Variants in ANK2 observed in about 807,000 individuals in gnomAD.
The protein encoded by ANK2 is ankyrin 2, also known as ankyrin-2.
ANK2 carries 83 observed loss-of-function variants against 360.5 expected under a neutral mutation model. That is an observed-to-expected ratio of 0.23 (90% CI 0.19 to 0.28). The LOEUF (loss-of-function observed/expected upper bound fraction) is 0.28. Ranked by LOEUF, ANK2 falls within the 10% of genes least tolerant of loss-of-function variation. The probability of loss-of-function intolerance (pLI) is 1.00; values close to 1 mark genes in which losing one functional copy is unlikely to be tolerated. For synonymous variants in ANK2, 1,740 were observed against 1,759.5 expected, an observed-to-expected ratio of 0.99 and a Z score of 0.28; for missense variants, 4,201 against 4,795.7, an observed-to-expected ratio of 0.88 and a Z score of 3.66.
intron 29 of ANK2, among the ~76,000 whole-genome samples, chr4:113,334,941 T>C (rs73841960): frequency 0.027 from 4,096 of 152,138 alleles, 186 homozygotes; most frequent in African/African-American, 0.092. Context: ...TCTTCAATCA[T>C]GTGGAATCAG....
the ANK2 span, among the ~76,000 whole-genome samples, chr4:112,737,933 T>C: frequency 6.6e-6 from 1 of 152,200 alleles, no homozygotes; most frequent in Non-Finnish European, 1.5e-5. Context: ...GTAAAGGATG[T>C]AAATAGCAGG....
At chr4:112,777,768 T>A in the ANK2 span, among the ~76,000 whole-genome samples, 4 of 150,964 alleles carry the variant, frequency 2.6e-5, no homozygotes, top group African/African-American at 9.7e-5. Flanking sequence ...CAGGCATGTG[T>A]CACCACACCC....
chr4:112,981,002 A>G (rs977014529), intron 2 of ANK2, among the ~76,000 whole-genome samples: 3 of 152,240 alleles, frequency 2.0e-5, no homozygotes, highest in Non-Finnish European at 2.9e-5. Flanking sequence ...GAGTTGAGTT[A>G]TAAACGAAGA....
At chr4:113,115,701 A>G (rs373579036) in intron 1 of ANK2, among the ~76,000 whole-genome samples, 3 of 152,184 alleles carry the variant, frequency 2.0e-5, no homozygotes, top group East Asian at 3.8e-4. Context: ...CTCTCTTACT[A>G]TCTTTATGTA....
chr4:113,154,411 T>A (rs1260140499), intron 1 of ANK2, among the ~76,000 whole-genome samples: 2 of 152,210 alleles, frequency 1.3e-5, no homozygotes, highest in Non-Finnish European at 2.9e-5. Flanking sequence ...TGTTGAGCAG[T>A]CAGCTTGAAC....
At chr4:112,872,682 T>C (rs2073630500) in intron 1 of ANK2, among the ~76,000 whole-genome samples, 1 of 152,224 alleles carries the variant, frequency 6.6e-6, no homozygotes, top group African/African-American at 2.4e-5. Context: ...TATTTTCTTG[T>C]AATTCTTTGT....
the ANK2 span, among the ~76,000 whole-genome samples, chr4:112,808,011 C>T: frequency 2.0e-5 from 3 of 152,142 alleles, no homozygotes; most frequent in Admixed American, 2.0e-4. Context: ...CATTCATGTG[C>T]TTATGTTCAA....
chr4:112,986,587 G>T (rs1167346323), intron 2 of ANK2, among the ~76,000 whole-genome samples: 9 of 152,196 alleles, frequency 5.9e-5, no homozygotes, highest in Admixed American at 2.6e-4. Context: ...AGTTTGGAAA[G>T]TCTTCAGCAC....
rs1015370392 is a variant in ANK2, at chr4:113,381,770, G to A, written c.*299G>A. On this transcript the variant is annotated 3_prime_UTR_variant, in exon 46 of 46. Transcript: ENST00000357077. ...ACATTTCCACTGTTAGCAAATATAC[G>A]GCATTTTGCTTTAGTTTTCCCCCAT... 98 of 1,002,192 alleles carry A rather than the reference G, an allele frequency of 9.8e-5. No individual in the cohort carries two copies. The African/African-American group carries it at 1.1e-3, about 11-fold the overall frequency. The allele number at this position is 1,002,192 out of a possible 1,614,324, so 62.1% of individuals were successfully genotyped here.
At chr4:113,150,292 C>T (rs1249402303) in intron 1 of ANK2, among the ~76,000 whole-genome samples, 1 of 152,120 alleles carries the variant, frequency 6.6e-6, no homozygotes, top group Non-Finnish European at 1.5e-5. Context: ...AAGAAGCAAA[C>T]AAAAGAATAA....
intron 45 of ANK2, among the ~76,000 whole-genome samples, chr4:113,380,499 A>G (rs1476352373): frequency 6.6e-6 from 1 of 152,162 alleles, no homozygotes; most frequent in Non-Finnish European, 1.5e-5. Flanking sequence ...TGTCTCTACT[A>G]AAGATACCAA....
chr4:113,123,307 T>C (rs2095480798), intron 1 of ANK2, among the ~76,000 whole-genome samples: 1 of 152,148 alleles, frequency 6.6e-6, no homozygotes, highest in African/African-American at 2.4e-5. Flanking sequence ...TTACACTATA[T>C]TTTGACATCA....
rs926379811 is a variant in ANK2, at chr4:113,356,171, A to G, written c.7553A>G (p.Glu2518Gly). 2.2e-5 allele frequency: 35 copies of G among 1,613,922 alleles called. No individual in the cohort carries two copies. Among genetic ancestry groups the G allele is most frequent in the Non-Finnish European group, 2.7e-5 (32 of 1,179,958 alleles). ...RLLRDPDGSAEDDSLEQTSLM... is the reference protein window; with the variant it reads ...RLLRDPDGSAGDDSLEQTSLM... Reference sequence around the variant, plus strand: ...CTCCGAGACCCTGATGGCAGTGCTGAGGATGACAGTCTTGAGCAGACATCG... The same window carrying G: ...CTCCGAGACCCTGATGGCAGTGCTGGGGATGACAGTCTTGAGCAGACATCG... Residue 2518 changes from glutamate (E) to glycine (G), a missense_variant, in exon 38 of 46, where the codon GAG becomes GGG. By Grantham distance (98) the Glu-to-Gly change is moderately conservative. Around this residue, in one of 4 missense-constraint regions of ANK2, gnomAD observed 2,642 missense variants for 2,714.5 expected, o/e 0.97. Coordinates refer to ENST00000357077, the MANE Select transcript of ANK2 (RefSeq NM_001148.6).
the ANK2 span, among the ~76,000 whole-genome samples, chr4:112,809,158 C>T: frequency 6.6e-6 from 1 of 151,342 alleles, no homozygotes; most frequent in Non-Finnish European, 1.5e-5. Context: ...TGCACCCGGC[C>T]CAAACTATTT....
At chr4:113,204,165 C>A (rs2153426111) in intron 4 of ANK2, among the ~76,000 whole-genome samples, 1 of 151,972 alleles carries the variant, frequency 6.6e-6, no homozygotes, top group Non-Finnish European at 1.5e-5. Context: ...ATTATAAAAT[C>A]ATTAAAATCG....
the ANK2 span, among the ~76,000 whole-genome samples, chr4:112,735,011 C>T: frequency 6.6e-6 from 1 of 152,194 alleles, no homozygotes; most frequent in East Asian, 1.9e-4. Flanking sequence ...ATAAAAAGTT[C>T]ATTCCCTAGA....
intron 2 of ANK2, among the ~76,000 whole-genome samples, chr4:113,000,967 A>G (rs758472935): frequency 1.3e-5 from 2 of 152,218 alleles, no homozygotes; most frequent in Non-Finnish European, 2.9e-5. Flanking sequence ...TGTCTGAGAT[A>G]GTAGATATCA....
At chr4:113,370,485 C>T (rs2096694386) in intron 43 of ANK2, among the ~76,000 whole-genome samples, 1 of 152,008 alleles carries the variant, frequency 6.6e-6, no homozygotes, top group East Asian at 1.9e-4. Context: ...ATTGGCCAGG[C>T]GCGGTGGCTC....
chr4:113,080,293 G>A (rs1357798493), intron 1 of ANK2, among the ~76,000 whole-genome samples: 1 of 152,168 alleles, frequency 6.6e-6, no homozygotes, highest in East Asian at 1.9e-4. Flanking sequence ...TGATTAACAT[G>A]TCACGTGGTT....
Sources: gnomAD v4.1 joint callset for allele counts (sites outside exome capture counted in the v4.1 genomes callset) on GRCh38, gnomAD v4.1.1 for gene constraint, gnomAD v4.1.1 regional missense constraint, MANE v1.5 for transcripts, NCBI Gene and HGNC (gene_info 2026-07-23, HGNC 2026-07-21) for gene names.